Variants in ACACA observed in about 807,000 individuals in gnomAD.
ACACA encodes acetyl-CoA carboxylase 1.
A neutral mutation model predicts 296.1 loss-of-function variants in ACACA; 103 were observed. The ratio of observed to expected loss-of-function variants is 0.35; its 90% confidence interval spans 0.30 to 0.41. The LOEUF is 0.41. ACACA is among the 10% of genes least tolerant of loss of function. ACACA has a pLI of 1.00. For synonymous variants in ACACA, 953 were observed against 1,038.6 expected (o/e 0.92, Z 1.58); for missense variants, 1,554 against 2,989.7 (o/e 0.52, Z 11.20).
intron 18 of ACACA, among the ~76,000 whole-genome samples, chr17:37,247,246 T>C (rs2080754746): frequency 6.6e-6 from 1 of 152,192 alleles, no homozygotes; most frequent in Non-Finnish European, 1.5e-5. Context: ...CACACAAAGA[T>C]ATTGATGACG....
intron 2 of ACACA, among the ~76,000 whole-genome samples, chr17:37,338,331 C>G (rs1456084706): frequency 6.6e-6 from 1 of 151,628 alleles, no homozygotes; most frequent in Non-Finnish European, 1.5e-5. Flanking sequence ...AGTTCAAGAT[C>G]AGCCTGCCCA....
chr17:37,234,041 C>T (rs2079990070), intron 25 of ACACA, among the ~76,000 whole-genome samples: 1 of 152,122 alleles, frequency 6.6e-6, no homozygotes, highest in African/African-American at 2.4e-5. Context: ...TCCCTTCATT[C>T]TGAAGAAATA....
intron 11 of ACACA, among the ~76,000 whole-genome samples, chr17:37,260,518 G>T (rs2081466510): frequency 6.6e-6 from 1 of 150,860 alleles, no homozygotes; most frequent in African/African-American, 2.4e-5. Context: ...TGGCCAGGCT[G>T]GTCTCGAACT....
chr17:37,234,607 T>G (rs969827414), intron 25 of ACACA, among the ~76,000 whole-genome samples: 1 of 152,156 alleles, frequency 6.6e-6, no homozygotes, highest in African/African-American at 2.4e-5. Flanking sequence ...AGCCATTGCT[T>G]GTATCTATGG....
At chr17:37,217,260 C>CAAAAAA (rs34419580) in intron 29 of ACACA, among the ~76,000 whole-genome samples, 14 of 42,510 alleles carry the variant, frequency 3.3e-4, no homozygotes, top group Admixed American at 8.6e-4. Flanking sequence ...AACTCTATCT[C>CAAAAAA]AAAAAAAAAA....
intron 54 of ACACA, 122 bp downstream of exon 54, chr17:37,096,874 C>A: frequency 1.7e-6 from 2 of 1,185,900 alleles, no homozygotes; most frequent in South Asian, 1.2e-5. Context: ...CAGCTTGGAT[C>A]TCTATGTTTC....
intron 48 of ACACA, 49 bp downstream of exon 48, chr17:37,125,649 T>C (rs2074745380): frequency 6.9e-7 from 1 of 1,457,800 alleles, no homozygotes; most frequent in Non-Finnish European, 9.6e-7. Context: ...CTTTCTTTCT[T>C]ATTTTTAGTT....
chr17:37,234,550 G>T (rs1240653484), intron 25 of ACACA, among the ~76,000 whole-genome samples: 1 of 152,114 alleles, frequency 6.6e-6, no homozygotes, highest in African/African-American at 2.4e-5. Flanking sequence ...TGGTCAGAGA[G>T]GGGGAGTGCT....
intron 10 of ACACA, among the ~76,000 whole-genome samples, chr17:37,268,729 C>CTATA (rs1212218965): frequency 1.5e-3 from 166 of 110,972 alleles, no homozygotes; most frequent in African/African-American, 6.6e-3. Context: ...ATCTATCTAT[C>CTATA]TATCTATCTA....
intron 1 of ACACA, among the ~76,000 whole-genome samples, chr17:37,398,850 C>T (rs1459736095): frequency 6.9e-6 from 1 of 144,448 alleles, no homozygotes; most frequent in African/African-American, 2.6e-5. Context: ...TCTCAAAGTG[C>T]TGGGATTACA....
chr17:37,272,698 A>T (rs903657122), intron 9 of ACACA, among the ~76,000 whole-genome samples: 1 of 152,172 alleles, frequency 6.6e-6, no homozygotes, highest in African/African-American at 2.4e-5. Flanking sequence ...ATATAATGTT[A>T]AGTAAGGAGC....
At chr17:37,367,309 C>T (rs1292463492) in intron 1 of ACACA, among the ~76,000 whole-genome samples, 2 of 151,572 alleles carry the variant, frequency 1.3e-5, no homozygotes, top group African/African-American at 4.8e-5. Flanking sequence ...ACAAGATGGT[C>T]ATAATCAGTT....
At chr17:37,121,597 G>A in intron 49 of ACACA, 107 bp from the exon 50 acceptor site, 1 of 1,400,766 alleles carries the variant, frequency 7.1e-7, no homozygotes, top group Non-Finnish European at 1.0e-6. Context: ...CTAAAAATCA[G>A]ATCAACAAAA....
At chr17:37,091,692 G>T (rs759710314) in intron 54 of ACACA, among the ~76,000 whole-genome samples, 1 of 152,032 alleles carries the variant, frequency 6.6e-6, no homozygotes, top group Non-Finnish European at 1.5e-5. Context: ...TGATTCTCCT[G>T]CATCGGCATC....
intron 3 of ACACA, among the ~76,000 whole-genome samples, chr17:37,286,979 C>T (rs2082806317): frequency 6.6e-6 from 1 of 152,118 alleles, no homozygotes; most frequent in South Asian, 2.1e-4. Context: ...CTTCTAACAC[C>T]CAATTATGCA....
chr17:37,258,498 C>A (rs1438029984), intron 12 of ACACA, 125 bp from the exon 13 acceptor site: 9 of 880,680 alleles, frequency 1.0e-5, no homozygotes, highest in Non-Finnish European at 1.6e-5. Context: ...ATTTTTATAA[C>A]CTGTATTCTA....
At chr17:37,360,191 TG>T (rs1335921505) in intron 1 of ACACA, 6 of 152,126 alleles carry the variant, frequency 3.9e-5, no homozygotes, top group Non-Finnish European at 8.8e-5. Context: ...AAATTGCACT[TG>T]AGAAGAACAG....
intron 29 of ACACA, among the ~76,000 whole-genome samples, chr17:37,215,730 C>T (rs1347522113): frequency 6.6e-6 from 1 of 152,038 alleles, no homozygotes; most frequent in Non-Finnish European, 1.5e-5. Context: ...TCACCAGCAC[C>T]AGTGAGTGAT....
chr17:37,319,756 G>C (rs372791244), intron 3 of ACACA, among the ~76,000 whole-genome samples: 1 of 151,978 alleles, frequency 6.6e-6, no homozygotes, highest in African/African-American at 2.4e-5. Flanking sequence ...TTCAAAACCA[G>C]CCTGGCCAAG....
Sources: gnomAD v4.1 joint callset for allele counts (sites outside exome capture counted in the v4.1 genomes callset) on GRCh38, gnomAD v4.1.1 for gene constraint, MANE v1.5 for transcripts, NCBI Gene and HGNC (gene_info 2026-07-23, HGNC 2026-07-21) for gene names.